The following DLGAP5 variants were observed in gnomAD, a reference collection of about 807,000 sequenced individuals.
The protein encoded by DLGAP5 is disks large-associated protein 5.
A neutral mutation model predicts 99.6 loss-of-function variants in DLGAP5; 90 were observed. That is an observed-to-expected ratio of 0.90 (90% confidence interval 0.76 to 1.08). The LOEUF (loss-of-function observed/expected upper bound fraction) is 1.08. DLGAP5 is among the 50% of genes least tolerant of loss of function. The pLI is 0.00. For synonymous variants in DLGAP5, 311 were observed against 321.3 expected (o/e 0.97, Z 0.34); for missense variants, 1,036 against 983.5 (o/e 1.05, Z -0.71).
chr14:55,172,857 C>A (rs1187826138), intron 10 of DLGAP5, among the ~76,000 whole-genome samples: 1 of 151,356 alleles, frequency 6.6e-6, no homozygotes, highest in East Asian at 2.0e-4. Flanking sequence ...TGGCACACGC[C>A]TGTAATCCTG....
At chr14:55,180,511 G>A in intron 6 of DLGAP5, 145 bp downstream of exon 6, 2 of 1,136,736 alleles carry the variant, frequency 1.8e-6, no homozygotes, top group African/African-American at 1.5e-5. Flanking sequence ...CAGATGTCAG[G>A]GCACAGAATC....
intron 8 of DLGAP5, among the ~76,000 whole-genome samples, chr14:55,176,347 C>T (rs1288868125): frequency 6.6e-6 from 1 of 152,184 alleles, no homozygotes; most frequent in Non-Finnish European, 1.5e-5. Flanking sequence ...TTAAAGGTTC[C>T]AACTGATTTT....
intron 10 of DLGAP5, among the ~76,000 whole-genome samples, 194 bp from the exon 11 acceptor site, chr14:55,170,981 T>C (rs1455660925): frequency 6.6e-6 from 1 of 152,238 alleles, no homozygotes; most frequent in Non-Finnish European, 1.5e-5. Context: ...CCTTTGTATG[T>C]ACATCCTTTT....
chr14:55,155,405 G>C (rs1417056075), intron 14 of DLGAP5, among the ~76,000 whole-genome samples: 1 of 146,358 alleles, frequency 6.8e-6, no homozygotes, highest in Non-Finnish European at 1.5e-5. Context: ...GGAGTGTAAT[G>C]GCATGATCTT....
intron 10 of DLGAP5, among the ~76,000 whole-genome samples, chr14:55,171,454 T>TA (rs1371854084): frequency 6.6e-6 from 1 of 152,168 alleles, no homozygotes; most frequent in Non-Finnish European, 1.5e-5. Flanking sequence ...AAAAGAAGTT[T>TA]AATTTGTGTC....
chr14:55,178,183 T>C (rs940754514), intron 7 of DLGAP5, among the ~76,000 whole-genome samples: 2 of 151,324 alleles, frequency 1.3e-5, no homozygotes, highest in African/African-American at 4.9e-5. Flanking sequence ...AACCGGGAGG[T>C]GGAGCTTGCA....
At chr14:55,152,754 A>G (rs981928872) in intron 15 of DLGAP5, 107 bp from the exon 16 acceptor site, 1 of 916,938 alleles carries the variant, frequency 1.1e-6, no homozygotes, top group South Asian at 2.3e-5. Flanking sequence ...GGAATGGATC[A>G]AACATGGAGC....
At chr14:55,169,304 A>C (rs1302669397) in intron 12 of DLGAP5, 95 bp downstream of exon 12, 1 of 783,964 alleles carries the variant, frequency 1.3e-6, no homozygotes, top group Non-Finnish European at 1.9e-6. Flanking sequence ...TTACAGGTAC[A>C]TAAGCAGCTA....
At chr14:55,181,122 C>T (rs11622636) in intron 5 of DLGAP5, 91 bp downstream of exon 5, 371,139 of 1,232,740 alleles carry the variant, frequency 0.3, 59,439 homozygotes, top group Non-Finnish European at 0.32. Flanking sequence ...CACAAACAAA[C>T]GAACAAATTC....
In DLGAP5 at chr14:55,175,953, A is replaced by G. The variant is rs1286734943; in HGVS notation, c.1115T>C (p.Ile372Thr). The change falls in exon 9 of 19, where the codon ATA becomes ACA. Residue 372 changes from isoleucine to threonine, a missense_variant. Transcript: ENST00000247191. ...QKCKTYSTKT[I>T]QQDSNKLPCP... ...TGGCAATTTATTTGAATCTTGCTGTATTGTCTTGGTAGAGTAAGTTTTACA... is the reference window on the plus strand; with the variant it reads ...TGGCAATTTATTTGAATCTTGCTGTGTTGTCTTGGTAGAGTAAGTTTTACA... 6.2e-7 allele frequency: 1 copy of G among 1,610,334 alleles called. No individual in the cohort carries two copies. The highest frequency in any genetic ancestry group is 1.1e-5 in the South Asian group (1 of 90,444).
intron 2 of DLGAP5, among the ~76,000 whole-genome samples, chr14:55,184,676 C>A (rs1374007812): frequency 6.6e-6 from 1 of 152,130 alleles, no homozygotes; most frequent in Non-Finnish European, 1.5e-5. Flanking sequence ...CCATGTGGGG[C>A]CTTAAGAAGA....
chr14:55,169,984 A>T (rs1882798243), intron 11 of DLGAP5, among the ~76,000 whole-genome samples: 1 of 151,950 alleles, frequency 6.6e-6, no homozygotes, highest in African/African-American at 2.4e-5. Context: ...AAAATACAAA[A>T]ATCAGCTGGG....
At chr14:55,182,316 A>AATT in intron 4 of DLGAP5, 54 bp downstream of exon 4, 1 of 1,414,606 alleles carries the variant, frequency 7.1e-7, no homozygotes, top group Non-Finnish European at 9.8e-7. Flanking sequence ...GAATTTACTT[A>AATT]CTAAAAAAGT....
chr14:55,185,675 G>A (rs1237325897), intron 2 of DLGAP5, among the ~76,000 whole-genome samples: 1 of 151,760 alleles, frequency 6.6e-6, no homozygotes, highest in East Asian at 1.9e-4. Context: ...GTAGAGATGG[G>A]GTTTCACCAT....
intron 18 of DLGAP5, among the ~76,000 whole-genome samples, chr14:55,150,105 A>G (rs1261062640): frequency 6.6e-6 from 1 of 152,092 alleles, no homozygotes; most frequent in African/African-American, 2.4e-5. Context: ...CTATATATAT[A>G]AACAGCAGGA....
rs1293084966 is a variant in DLGAP5 at position 55,175,899 on chromosome 14, T to C, written c.1169A>G (p.His390Arg). 6 of 1,593,000 alleles carry C rather than the reference T, an allele frequency of 3.8e-6. No individual in the cohort carries two copies. The highest frequency in any genetic ancestry group is 1.2e-5 in the South Asian group (1 of 86,134). The change falls in exon 9 of 19, where the codon CAT becomes CGT. Residue 390 changes from histidine (H) to arginine (R), a missense_variant. Coordinates refer to ENST00000247191, the MANE Select transcript of DLGAP5 (RefSeq NM_014750.5). ...AAATTAATTAAATACTATACCTTCA[T>C]GCCAAACAGTTAGAGGACCCAAAGG... The part of the protein sequence containing the change: ...PCPLGPLTVW[H>R]EEHVLNKNEA...
intron 10 of DLGAP5, among the ~76,000 whole-genome samples, chr14:55,173,622 T>C (rs1882950157): frequency 6.6e-6 from 1 of 151,942 alleles, no homozygotes; most frequent in Non-Finnish European, 1.5e-5. Context: ...TATATACATG[T>C]TGCAGGAAGT....
intron 15 of DLGAP5, 92 bp downstream of exon 15, chr14:55,154,523 AAT>A (rs1203398888): frequency 6.7e-6 from 7 of 1,046,978 alleles, no homozygotes; most frequent in Non-Finnish European, 1.0e-5. Context: ...ATTTATTAAA[AAT>A]ATATGTCTGG....
At chr14:55,157,948 A>G (rs115773974) in intron 14 of DLGAP5, among the ~76,000 whole-genome samples, 1,697 of 152,242 alleles carry the variant, frequency 0.011, 33 homozygotes, top group African/African-American at 0.039. Context: ...TTTTTTGTAG[A>G]GAGGGGATCT....
Sources: gnomAD v4.1 joint callset for allele counts (sites outside exome capture counted in the v4.1 genomes callset) on GRCh38, gnomAD v4.1.1 for gene constraint, MANE v1.5 for transcripts, NCBI Gene and HGNC (gene_info 2026-07-23, HGNC 2026-07-21) for gene names.